The following CHRNA10 variants were observed in gnomAD, a reference collection of about 807,000 sequenced individuals.
CHRNA10 encodes the protein neuronal acetylcholine receptor subunit alpha-10.
In CHRNA10, 31 loss-of-function variants were observed where a neutral mutation model predicts 36.0. The ratio of observed to expected loss-of-function variants is 0.86; its 90% confidence interval spans 0.65 to 1.16. The LOEUF is 1.16. Ranked by LOEUF, CHRNA10 falls within the 50% of genes most tolerant of loss-of-function variation. CHRNA10 has a pLI of 0.00. For missense variants in CHRNA10, 648 were observed against 640.9 expected (o/e 1.01, Z -0.12); for synonymous variants, 302 against 287.0 (o/e 1.05, Z -0.53).
chr11:3,666,037 A>C lies in CHRNA10; in HGVS notation c.*70T>G. On this transcript the variant is annotated 3_prime_UTR_variant, in exon 5 of 5. Coordinates refer to ENST00000250699, the MANE Select transcript of CHRNA10 (RefSeq NM_020402.4). ...CTGGCTGGCCCAAAGACCAGCAACC[A>C]CTTGGCCGTGGCTGTCCCTTTCTGG... 7.2e-7 allele frequency: 1 copy of C among 1,380,992 alleles called. No individual in the cohort carries two copies. The highest frequency in any genetic ancestry group is 1.5e-5 in the African/African-American group (1 of 68,732). 85.5% of individuals were successfully genotyped at this position (1,380,992 alleles called of 1,614,324 possible). A position where few individuals can be genotyped will look rare whatever the true frequency, so the allele number is the denominator to read the frequency against.
At chr11:3,669,404 CT>C (rs2133975745) in intron 2 of CHRNA10, 54 bp from the exon 3 acceptor site, 1 of 1,584,594 alleles carries the variant, frequency 6.3e-7, no homozygotes. Context: ...ATATCCTGCC[CT>C]GTCTGTGCAC....
intron 3 of CHRNA10, among the ~76,000 whole-genome samples, chr11:3,668,245 G>C (rs2077684888): frequency 6.6e-6 from 1 of 152,180 alleles, no homozygotes; most frequent in Non-Finnish European, 1.5e-5. Context: ...TGGGTGCGGT[G>C]GCTCACGCCT....
Position 3,666,567 on chromosome 11 carries a change from G to T in CHRNA10, c.896-3C>A, listed in dbSNP as rs756636742. 3 of 1,520,188 alleles carry T rather than the reference G, an allele frequency of 2.0e-6. No homozygotes were observed. The highest frequency in any genetic ancestry group is 2.6e-6 in the Non-Finnish European group (3 of 1,133,406). The allele number at this position is 1,520,188 out of a possible 1,614,324, so 94.2% of individuals were successfully genotyped here. A position where few individuals can be genotyped will look rare whatever the true frequency, so the allele number is the denominator to read the frequency against. On this transcript the variant is annotated splice_region_variant and splice_polypyrimidine_tract_variant and intron_variant, in intron 4 of 4. Transcript: ENST00000250699. ...CATAGTGGCCATGTAGTACTTCCCTGCAAGAGAGAGAGAAAGCCAATTGAC... is the reference window on the plus strand; with the variant it reads ...CATAGTGGCCATGTAGTACTTCCCTTCAAGAGAGAGAGAAAGCCAATTGAC...
At chr11:3,668,167 A>C (rs1414418311) in intron 3 of CHRNA10, among the ~76,000 whole-genome samples, 5 of 152,160 alleles carry the variant, frequency 3.3e-5, no homozygotes, top group Non-Finnish European at 5.9e-5. Context: ...GCCTTCAGAG[A>C]GAAATACTTT....
At chr11:3,667,920 G>A (rs1364076935) in intron 3 of CHRNA10, among the ~76,000 whole-genome samples, 156 bp from the exon 4 acceptor site, 1 of 152,226 alleles carries the variant, frequency 6.6e-6, no homozygotes, top group African/African-American at 2.4e-5. Context: ...CACGACGCAG[G>A]GGAGCACCTG....
Position 3,669,357 on chromosome 11 carries a change from G to C in CHRNA10, c.208-7C>G. 5 of 1,612,936 alleles carry C rather than the reference G, an allele frequency of 3.1e-6. No individual in the cohort carries two copies. The highest frequency in any genetic ancestry group is 4.2e-6 in the Non-Finnish European group (5 of 1,179,396). On this transcript the variant is annotated splice_region_variant and splice_polypyrimidine_tract_variant and intron_variant, in intron 2 of 4. Coordinates refer to ENST00000250699, the MANE Select transcript of CHRNA10 (RefSeq NM_020402.4). ...GCACCTGGTTCCGTTCATCCTAGTG[G>C]GGGCAGGGAATGGCAGAGATGTGGA...
intron 2 of CHRNA10, 119 bp from the exon 3 acceptor site, chr11:3,669,469 C>T: frequency 7.9e-7 from 1 of 1,260,882 alleles, no homozygotes; most frequent in South Asian, 1.5e-5. Flanking sequence ...TCCATACCGT[C>T]CAGTTCCCAC....
chr11:3,667,227 C>G lies in CHRNA10; in HGVS notation c.895+5G>C. On this transcript the variant is annotated splice_donor_5th_base_variant and intron_variant, in intron 4 of 4. Coordinates refer to ENST00000250699, the MANE Select transcript of CHRNA10 (RefSeq NM_020402.4). ...GTCAGGTCCCCCCGCGCCCCCGCTG[C>G]TCACCGATGAGCGGCACGCTCTCGG... 1 of 1,568,412 alleles carries G rather than the reference C, an allele frequency of 6.4e-7. No individual in the cohort carries two copies. The highest frequency in any genetic ancestry group is 8.6e-7 in the Non-Finnish European group (1 of 1,165,328).
rs1435429272 is a variant in CHRNA10, at chr11:3,666,329, G to C, written c.1131C>G (p.Gly377=). The C allele has an allele frequency of 6.2e-7, 1 of 1,613,246 alleles. No homozygotes were observed. Among genetic ancestry groups the C allele is most frequent in the Non-Finnish European group, 8.5e-7 (1 of 1,179,820 alleles). The change falls in exon 5 of 5, where the codon GGC becomes GGG. Residue 377 remains glycine, a synonymous_variant. Transcript: ENST00000250699. ...PSPQSPEGGA[G]PPAGPCHEPR... ...GCTCGTGGCAAGGGCCCGCTGGGGGGCCAGCCCCTCCTTCAGGCGACTGGG... is the reference window on the plus strand; with the variant it reads ...GCTCGTGGCAAGGGCCCGCTGGGGGCCCAGCCCCTCCTTCAGGCGACTGGG...
At chr11:3,669,467 G>A (rs1024308775) in intron 2 of CHRNA10, 117 bp from the exon 3 acceptor site, 10 of 1,303,310 alleles carry the variant, frequency 7.7e-6, no homozygotes, top group African/African-American at 4.4e-5. Context: ...TGTCCATACC[G>A]TCCAGTTCCC....
chr11:3,669,496 C>T (rs1328083098), intron 2 of CHRNA10, 146 bp from the exon 3 acceptor site: 2 of 1,013,822 alleles, frequency 2.0e-6, no homozygotes, highest in East Asian at 2.5e-5. Context: ...CTGACCTTGC[C>T]ATGTGACCTT....
chr11:3,666,287 G>C lies in CHRNA10; in HGVS notation c.1173C>G (p.Arg391=). The C allele has an allele frequency of 1.2e-6, 2 of 1,613,770 alleles. No homozygotes were observed. Among genetic ancestry groups the C allele is most frequent in the Non-Finnish European group, 1.7e-6 (2 of 1,179,866 alleles). The change falls in exon 5 of 5, where the codon CGC becomes CGG. Residue 391 remains arginine (R), a synonymous_variant. Transcript: ENST00000250699. ...CTACGTGGTGCAGTAGGGCTTCCTG[G>C]CGGCACAGACATCGTGGCTCGTGGC... ...GPCHEPRCLC[R]QEALLHHVAT...
rs867714660 is a variant in CHRNA10 at position 3,669,369 on chromosome 11, G to A, written c.208-19C>T. ...GTTCATCCTAGTGGGGGCAGGGAAT[G>A]GCAGAGATGTGGACATGTATATGCA... On this transcript the variant is annotated intron_variant, in intron 2 of 4. Transcript: ENST00000250699. 1.2e-6 allele frequency: 2 copies of A among 1,610,880 alleles called. No homozygotes were observed. The highest frequency in any genetic ancestry group is 2.7e-5 in the African/African-American group (2 of 74,856).
Position 3,667,346 on chromosome 11 carries a change from G to T in CHRNA10, c.781C>A (p.Pro261Thr). ...SLLAPLAFHL[P>T]ADSGEKVSLG... ...GACACCTTCTCGCCTGAGTCGGCAGGCAGGTGGAAGGCGAGCGGCGCAAGC... is the reference window on the plus strand; with the variant it reads ...GACACCTTCTCGCCTGAGTCGGCAGTCAGGTGGAAGGCGAGCGGCGCAAGC... The change falls in exon 4 of 5, where the codon CCT becomes ACT. Residue 261 changes from proline to threonine, a missense_variant. By Grantham distance (38) the Pro-to-Thr change is conservative. Transcript: ENST00000250699. 1 of 1,601,236 alleles carries T rather than the reference G, an allele frequency of 6.2e-7. No homozygotes were observed. The highest frequency in any genetic ancestry group is 1.1e-5 in the South Asian group (1 of 90,892).
intron 3 of CHRNA10, 60 bp downstream of exon 3, chr11:3,669,136 C>T: frequency 1.3e-6 from 2 of 1,554,124 alleles, no homozygotes; most frequent in Admixed American, 3.6e-5. Context: ...ACTACACCCC[C>T]ACAGCTAAGG....
chr11:3,669,437 C>T, intron 2 of CHRNA10, 87 bp from the exon 3 acceptor site: 1 of 1,517,370 alleles, frequency 6.6e-7, no homozygotes, highest in Non-Finnish European at 8.9e-7. Context: ...GGGCTCTGGT[C>T]AGCACCCACA....
chr11:3,669,680 A>C (rs2077697590), intron 2 of CHRNA10, 116 bp downstream of exon 2: 1 of 1,380,434 alleles, frequency 7.2e-7, no homozygotes, highest in African/African-American at 1.4e-5. Flanking sequence ...TACCTTTGTT[A>C]ATATTAACAT....
intron 4 of CHRNA10, among the ~76,000 whole-genome samples, chr11:3,666,825 C>T (rs1465426337): frequency 1.3e-5 from 2 of 152,110 alleles, no homozygotes; most frequent in African/African-American, 2.4e-5. Flanking sequence ...AGGACAGTCC[C>T]GCTCTCAAAT....
At position 3,669,829 on chromosome 11, in the gene CHRNA10, G is replaced by A; in HGVS notation, c.174C>T (p.Thr58=). The A allele has an allele frequency of 1.2e-6, 2 of 1,614,104 alleles. No individual in the cohort carries two copies. The highest frequency in any genetic ancestry group is 1.1e-5 in the South Asian group (1 of 91,078). Residue 58 remains threonine (T), a synonymous_variant, in exon 2 of 5, where the codon ACC becomes ACT. Coordinates refer to ENST00000250699, the MANE Select transcript of CHRNA10 (RefSeq NM_020402.4). ...TGATCTGGGACAGTGTCACCTCCAG[G>A]GTCACATTCAGAGTCTGGTCTGTGT... ...VADTDQTLNV[T]LEVTLSQIID...
Sources: allele counts gnomAD v4.1 joint callset (sites outside exome capture counted in the v4.1 genomes callset), GRCh38; gene constraint gnomAD v4.1.1; transcripts MANE v1.5; gene names NCBI Gene and HGNC (gene_info 2026-07-23, HGNC 2026-07-21).